Variants in BRINP3 observed in about 807,000 individuals in gnomAD.
BRINP3 encodes BMP/retinoic acid inducible neural specific 3, also known as BMP/retinoic acid-inducible neural-specific protein 3.
BRINP3 carries 19 observed loss-of-function variants against 71.0 expected under a neutral mutation model. The ratio of observed to expected loss-of-function variants is 0.27; its 90% CI spans 0.19 to 0.39. BRINP3 has a LOEUF of 0.39. Ranked by LOEUF, BRINP3 falls within the 10% of genes least tolerant of loss-of-function variation. The probability of loss-of-function intolerance (pLI) is 1.00; values close to 1 mark genes in which losing one functional copy is unlikely to be tolerated. For synonymous variants in BRINP3, 380 were observed against 337.7 expected, an observed-to-expected ratio of 1.13 and a Z score of -1.37; for missense variants, 959 against 940.8, an observed-to-expected ratio of 1.02 and a Z score of -0.25.
chr1:190,131,140 T>C (rs1654506134), intron 7 of BRINP3, among the ~76,000 whole-genome samples: 1 of 130,394 alleles, frequency 7.7e-6, no homozygotes, highest in Non-Finnish European at 1.6e-5. Context: ...CAAGAGAGTT[T>C]AGGTTGCTTG....
At chr1:190,210,492 G>T (rs1655890320) in intron 6 of BRINP3, among the ~76,000 whole-genome samples, 1 of 151,938 alleles carries the variant, frequency 6.6e-6, no homozygotes, top group Non-Finnish European at 1.5e-5. Context: ...CATTTATAAT[G>T]AAAACAATCC....
At chr1:190,288,553 T>C (rs970380254) in intron 2 of BRINP3, among the ~76,000 whole-genome samples, 8 of 151,902 alleles carry the variant, frequency 5.3e-5, no homozygotes, top group African/African-American at 1.9e-4. Context: ...GTTCATAACC[T>C]CGGTGATATA....
intron 6 of BRINP3, among the ~76,000 whole-genome samples, chr1:190,207,215 TGTCA>T (rs1440956984): frequency 2.0e-5 from 3 of 152,126 alleles, no homozygotes; most frequent in African/African-American, 7.2e-5. Flanking sequence ...ATTGTCTGTC[TGTCA>T]GTTTTAACAA....
chr1:190,151,169 A>G (rs1322210445), intron 7 of BRINP3, among the ~76,000 whole-genome samples: 1 of 152,118 alleles, frequency 6.6e-6, no homozygotes, highest in East Asian at 1.9e-4. Context: ...AAAAGAAAAA[A>G]TGATGTTCAG....
chr1:190,339,468 G>A (rs1038859231), intron 2 of BRINP3, among the ~76,000 whole-genome samples: 28 of 152,028 alleles, frequency 1.8e-4, no homozygotes, highest in African/African-American at 6.7e-4. Context: ...AAATAAGTAG[G>A]TTTCTCAGAA....
intron 6 of BRINP3, among the ~76,000 whole-genome samples, chr1:190,188,566 G>A (rs969903131): frequency 6.6e-6 from 1 of 152,078 alleles, no homozygotes. Context: ...GCTGAGAGAA[G>A]ATGTGAAATT....
At chr1:190,240,698 CTG>C (rs915188304) in intron 4 of BRINP3, among the ~76,000 whole-genome samples, 1 of 151,678 alleles carries the variant, frequency 6.6e-6, no homozygotes, top group Non-Finnish European at 1.5e-5. Context: ...AGGTGAAACT[CTG>C]TCTCTACTAA....
At chr1:190,371,236 A>G (rs959425388) in intron 2 of BRINP3, among the ~76,000 whole-genome samples, 1 of 152,188 alleles carries the variant, frequency 6.6e-6, no homozygotes, top group Non-Finnish European at 1.5e-5. Context: ...ATAATTTCCA[A>G]AAAGTAATTG....
intron 2 of BRINP3, among the ~76,000 whole-genome samples, chr1:190,293,272 T>A (rs556814852): frequency 1.3e-5 from 2 of 152,148 alleles, no homozygotes; most frequent in African/African-American, 4.8e-5. Flanking sequence ...AATTTTTTTA[T>A]CAATACATAA....
At chr1:190,107,331 T>A (rs1013561318) in intron 7 of BRINP3, among the ~76,000 whole-genome samples, 2 of 151,956 alleles carry the variant, frequency 1.3e-5, no homozygotes, top group Admixed American at 1.3e-4. Flanking sequence ...CACTTAAAAA[T>A]CTGTCCTTGT....
In BRINP3 at chr1:190,354,769, G is replaced by GT. The variant is rs1225358677; in HGVS notation, c.237-73020dup. 3.4e-5 allele frequency among the ~76,000 whole-genome samples: 5 copies of GT among 146,424 alleles called. No homozygotes were observed. The East Asian group carries it at 1.0e-3, about 29-fold the overall frequency. ...CACCGTCTCTTAAAAGGTCTTCTAA[G>GT]TGTTTTTTTTTTTTTTTCCTATTTA... On this transcript the variant is annotated intron_variant, in intron 2 of 7. Transcript: ENST00000367462.
At chr1:190,268,940 A>C (rs10920676) in intron 3 of BRINP3, among the ~76,000 whole-genome samples, 89,873 of 151,876 alleles carry the variant, frequency 0.59, 26,804 homozygotes, top group Admixed American at 0.69. Context: ...ATCAGTTTAT[A>C]TTAATATTTT....
chr1:190,209,178 C>A (rs982179108), intron 6 of BRINP3, among the ~76,000 whole-genome samples: 4 of 152,066 alleles, frequency 2.6e-5, no homozygotes, highest in African/African-American at 7.2e-5. Flanking sequence ...AAAGCTTAAT[C>A]TTCTTATACA....
chr1:190,257,335 A>G (rs140399510), intron 4 of BRINP3, among the ~76,000 whole-genome samples: 40 of 152,282 alleles, frequency 2.6e-4, no homozygotes, highest in Non-Finnish European at 4.7e-4. Context: ...TTTCAGCTCC[A>G]TCGGGTCATT....
At chr1:190,308,201 TA>T (rs1665253513) in intron 2 of BRINP3, among the ~76,000 whole-genome samples, 1 of 150,274 alleles carries the variant, frequency 6.7e-6, no homozygotes, top group Non-Finnish European at 1.5e-5. Context: ...AGAACACTTG[TA>T]TATAGTTTTC....
chr1:190,231,396 C>G (rs1201192118), intron 5 of BRINP3, among the ~76,000 whole-genome samples: 1 of 151,728 alleles, frequency 6.6e-6, no homozygotes, highest in Admixed American at 6.6e-5. Flanking sequence ...TAGCCTAGTC[C>G]TGTGTCAAAT....
chr1:190,220,819 A>G (rs1656818791), intron 6 of BRINP3, among the ~76,000 whole-genome samples: 1 of 152,088 alleles, frequency 6.6e-6, no homozygotes, highest in Admixed American at 6.6e-5. Flanking sequence ...AAATATGCCA[A>G]AAAAAAGTTT....
intron 1 of BRINP3, among the ~76,000 whole-genome samples, chr1:190,460,560 G>A (rs771035287): frequency 5.9e-5 from 9 of 152,092 alleles, no homozygotes; most frequent in Non-Finnish European, 1.3e-4. Context: ...TTGATCAATT[G>A]CAATGTGCAA....
intron 2 of BRINP3, among the ~76,000 whole-genome samples, chr1:190,351,221 T>C (rs1262475010): frequency 1.3e-5 from 2 of 151,624 alleles, no homozygotes; most frequent in Admixed American, 6.6e-5. Context: ...ATTGTGTATG[T>C]GTGTGTGTGT....
Sources: gnomAD v4.1 joint callset for allele counts (sites outside exome capture counted in the v4.1 genomes callset) on GRCh38, gnomAD v4.1.1 for gene constraint, MANE v1.5 for transcripts, NCBI Gene and HGNC (gene_info 2026-07-23, HGNC 2026-07-21) for gene names.